Variants in PARD3 observed in about 807,000 individuals in gnomAD.
The protein encoded by PARD3 is par-3 family cell polarity regulator.
PARD3 carries 75 observed loss-of-function variants against 155.4 expected under a neutral mutation model. That is an observed-to-expected ratio of 0.48 (90% CI 0.40 to 0.58). The LOEUF (loss-of-function observed/expected upper bound fraction) is 0.58. Among genes scored for constraint, PARD3 ranks in the 20% least tolerant of loss-of-function variants. The pLI is 0.00. For missense variants in PARD3, 1,642 were observed against 1,721.7 expected (o/e 0.95, Z 0.82); for synonymous variants, 576 against 610.5 (o/e 0.94, Z 0.83).
At chr10:34,764,233 C>A (rs986041785) in intron 1 of PARD3, among the ~76,000 whole-genome samples, 1 of 152,142 alleles carries the variant, frequency 6.6e-6, no homozygotes, top group African/African-American at 2.4e-5. Context: ...AATGGGCAAC[C>A]TAGGATTTCT....
chr10:34,450,546 C>A, intron 4 of PARD3, 98 bp from the exon 5 acceptor site: 1 of 1,136,264 alleles, frequency 8.8e-7, no homozygotes, highest in Non-Finnish European at 1.2e-6. Context: ...AATGATTCTA[C>A]ATATTTAAAA....
chr10:34,618,769 G>C (rs932042801), intron 2 of PARD3, among the ~76,000 whole-genome samples: 8 of 152,248 alleles, frequency 5.3e-5, no homozygotes, highest in African/African-American at 1.9e-4. Flanking sequence ...CCACATTCCT[G>C]TCTGGCAGAG....
chr10:34,312,020 T>C lies in PARD3; in HGVS notation c.3065+5087A>G, dbSNP rs951968980. On this transcript the variant is annotated intron_variant, in intron 20 of 24. Coordinates refer to ENST00000374788, the MANE Select transcript of PARD3 (RefSeq NM_001184785.2). ...AATCTTGAAAACTCTGATTCTAATA[T>C]CCAATGGGTGTGTGCTGATGATTTC... Among the ~76,000 whole-genome samples the C allele has an allele frequency of 3.3e-5, 5 of 152,076 alleles. No homozygotes were observed. In the South Asian group the frequency reaches 8.3e-4, roughly 25 times the overall value.
Position 34,317,351 on chromosome 10 carries a change from G to T in PARD3, c.2834-13C>A. 1 of 1,532,280 alleles carries T rather than the reference G, an allele frequency of 6.5e-7. No homozygotes were observed. The highest frequency in any genetic ancestry group is 8.8e-7 in the Non-Finnish European group (1 of 1,139,114). 94.9% of individuals were successfully genotyped at this position (1,532,280 alleles called of 1,614,324 possible). A position where few individuals can be genotyped will look rare whatever the true frequency, so the allele number is the denominator to read the frequency against. ...GTGTCTTCTTCCACTTGGAAGGAAA[G>T]AAAAAAAAATAGGGACACAGTGAAC... On this transcript the variant is annotated splice_polypyrimidine_tract_variant and intron_variant, in intron 19 of 24. Coordinates refer to ENST00000374788, the MANE Select transcript of PARD3 (RefSeq NM_001184785.2).
chr10:34,213,478 T>C (rs1951851952), intron 22 of PARD3, among the ~76,000 whole-genome samples: 1 of 152,206 alleles, frequency 6.6e-6, no homozygotes, highest in African/African-American at 2.4e-5. Context: ...AACTATGTCC[T>C]AACCACAGCG....
chr10:34,536,747 T>C (rs1410711805), intron 2 of PARD3, among the ~76,000 whole-genome samples: 1 of 152,188 alleles, frequency 6.6e-6, no homozygotes, highest in Non-Finnish European at 1.5e-5. Context: ...TTTACAGTGG[T>C]ACCTCCTGTC....
chr10:34,640,736 A>AAAAAAAAAAAAAAG (rs2092651601), intron 2 of PARD3, among the ~76,000 whole-genome samples: 2 of 144,142 alleles, frequency 1.4e-5, no homozygotes, highest in African/African-American at 5.2e-5. Context: ...AAAAAAAAAA[A>AAAAAAAAAAAAAAG]GCACTTTTAG....
intron 1 of PARD3, among the ~76,000 whole-genome samples, chr10:34,803,415 T>C (rs1370944260): frequency 2.6e-5 from 4 of 152,120 alleles, no homozygotes; most frequent in African/African-American, 4.8e-5. Flanking sequence ...TCACCAAACT[T>C]TCCACTTTCA....
chr10:34,559,914 C>T (rs1254894545), intron 2 of PARD3, among the ~76,000 whole-genome samples: 3 of 152,084 alleles, frequency 2.0e-5, no homozygotes, highest in East Asian at 3.9e-4. Context: ...GAACTGAGAT[C>T]GTTCACATTA....
intron 1 of PARD3, among the ~76,000 whole-genome samples, chr10:34,772,592 G>T (rs1231521236): frequency 6.6e-6 from 1 of 151,842 alleles, no homozygotes; most frequent in Non-Finnish European, 1.5e-5. Context: ...AGGAGTTCGA[G>T]ACCAGCCTGG....
chr10:34,734,485 G>A (rs968380463), intron 1 of PARD3, among the ~76,000 whole-genome samples: 27 of 151,880 alleles, frequency 1.8e-4, no homozygotes, highest in African/African-American at 5.8e-4. Context: ...ACAGGCGCCC[G>A]CCACCATGCC....
intron 2 of PARD3, among the ~76,000 whole-genome samples, chr10:34,630,932 A>G (rs2092242603): frequency 6.6e-6 from 1 of 151,726 alleles, no homozygotes; most frequent in Admixed American, 6.6e-5. Context: ...CTGCCACTTC[A>G]GCTTCCCAAG....
chr10:34,442,010 G>C (rs1323663558), intron 5 of PARD3, among the ~76,000 whole-genome samples: 1 of 152,110 alleles, frequency 6.6e-6, no homozygotes, highest in Non-Finnish European at 1.5e-5. Context: ...AAACAATCTT[G>C]ATGTTTTTAG....
chr10:34,224,398 GGAAGA>G (rs1224241381), intron 22 of PARD3, among the ~76,000 whole-genome samples: 2 of 152,196 alleles, frequency 1.3e-5, no homozygotes, highest in Admixed American at 1.3e-4. Flanking sequence ...CCCCCTCAGG[GGAAGA>G]GACCAGGTGT....
intron 5 of PARD3, among the ~76,000 whole-genome samples, chr10:34,418,121 T>C (rs1011480274): frequency 1.3e-5 from 2 of 152,180 alleles, no homozygotes; most frequent in African/African-American, 4.8e-5. Context: ...TGTCTATCAT[T>C]TAACTTTTCA....
At chr10:34,347,247 G>T (rs1281475150) in intron 15 of PARD3, among the ~76,000 whole-genome samples, 1 of 152,150 alleles carries the variant, frequency 6.6e-6, no homozygotes, top group African/African-American at 2.4e-5. Context: ...CAAGCTAATC[G>T]CAAGATGAGC....
chr10:34,213,531 CACT>C (rs1215379836), intron 22 of PARD3, among the ~76,000 whole-genome samples: 2 of 152,296 alleles, frequency 1.3e-5, no homozygotes, highest in African/African-American at 2.4e-5. Context: ...TCTTACATTC[CACT>C]CAGGCCTGGA....
At chr10:34,448,754 A>G (rs2076893260) in intron 5 of PARD3, among the ~76,000 whole-genome samples, 1 of 152,054 alleles carries the variant, frequency 6.6e-6, no homozygotes, top group African/African-American at 2.4e-5. Context: ...GCAGTGAGCT[A>G]TGGTTGCACC....
chr10:34,389,265 A>AAAAAAAGCTAG (rs1842656081), intron 7 of PARD3, among the ~76,000 whole-genome samples: 1 of 149,388 alleles, frequency 6.7e-6, no homozygotes, highest in African/African-American at 2.4e-5. Context: ...AAAAAAAAAA[A>AAAAAAAGCTAG]GACAAGCTAG....
Sources: gnomAD v4.1 joint callset for allele counts (sites outside exome capture counted in the v4.1 genomes callset) on GRCh38, gnomAD v4.1.1 for gene constraint, MANE v1.5 for transcripts, NCBI Gene and HGNC (gene_info 2026-07-23, HGNC 2026-07-21) for gene names.